Variants in RPH3A observed in about 807,000 individuals in gnomAD.
The protein encoded by RPH3A is rabphilin 3A, also known as rabphilin-3A.
In RPH3A, 48 loss-of-function variants were observed where a neutral mutation model predicts 102.2. The observed-to-expected ratio is 0.47, with a 90% CI of 0.37 to 0.60. RPH3A has a LOEUF of 0.60. Ranked by LOEUF, RPH3A falls within the 20% of genes least tolerant of loss-of-function variation. RPH3A has a pLI of 0.00. For synonymous variants in RPH3A, 310 were observed against 324.3 expected, an observed-to-expected ratio of 0.96 and a Z score of 0.47; for missense variants, 781 against 910.1, an observed-to-expected ratio of 0.86 and a Z score of 1.83.
intron 3 of RPH3A, among the ~76,000 whole-genome samples, chr12:112,829,382 T>G (rs1180591427): frequency 1.4e-5 from 2 of 141,404 alleles, no homozygotes; most frequent in East Asian, 3.9e-4. Flanking sequence ...GCAATCCTCT[T>G]GTCTCAGCCT....
chr12:112,690,604 A>G (rs1313638188), intron 1 of RPH3A, among the ~76,000 whole-genome samples: 1 of 152,202 alleles, frequency 6.6e-6, no homozygotes, highest in African/African-American at 2.4e-5. Context: ...AAAGAGTATG[A>G]TGTAAGAAGA....
intron 1 of RPH3A, among the ~76,000 whole-genome samples, chr12:112,608,716 A>G (rs2039617079): frequency 1.3e-5 from 2 of 152,176 alleles, no homozygotes; most frequent in African/African-American, 4.8e-5. Context: ...AGCTGTGATA[A>G]AAGGGGAGGC....
chr12:112,840,540 G>T (rs78247290), intron 4 of RPH3A, among the ~76,000 whole-genome samples: 1 of 151,760 alleles, frequency 6.6e-6, no homozygotes, highest in African/African-American at 2.4e-5. Flanking sequence ...CCAAATTTCC[G>T]CAAAAGGCCC....
intron 1 of RPH3A, among the ~76,000 whole-genome samples, chr12:112,628,292 T>C (rs1333325976): frequency 6.6e-6 from 1 of 151,638 alleles, no homozygotes; most frequent in Non-Finnish European, 1.5e-5. Flanking sequence ...GAGGTTGGAG[T>C]CTGCCTGGAA....
chr12:112,617,498 T>A (rs1484316939), intron 1 of RPH3A, among the ~76,000 whole-genome samples: 1 of 152,194 alleles, frequency 6.6e-6, no homozygotes, highest in East Asian at 1.9e-4. Context: ...ATTCCCCAGA[T>A]ACTTACAAAG....
chr12:112,632,187 T>A (rs1732766672), intron 1 of RPH3A, among the ~76,000 whole-genome samples: 1 of 152,178 alleles, frequency 6.6e-6, no homozygotes, highest in African/African-American at 2.4e-5. Context: ...CTCCTTGCCT[T>A]CTGCCATGAT....
chr12:112,881,887 GGCCC>G, intron 15 of RPH3A, 41 bp downstream of exon 15: 1 of 1,524,060 alleles, frequency 6.6e-7, no homozygotes. Context: ...CGGGTGCATG[GGCCC>G]TGGCAGATAC....
intron 2 of RPH3A, among the ~76,000 whole-genome samples, chr12:112,805,454 G>A (rs566652462): frequency 1.3e-5 from 2 of 152,288 alleles, no homozygotes; most frequent in South Asian, 4.1e-4. Context: ...CATTCTGGGA[G>A]GAGGATGAAT....
chr12:112,693,506 C>T (rs1190893335), intron 1 of RPH3A, among the ~76,000 whole-genome samples: 1 of 152,218 alleles, frequency 6.6e-6, no homozygotes, highest in Admixed American at 6.5e-5. Context: ...TCTACAAGGC[C>T]TACATGATTT....
chr12:112,662,030 C>T (rs182143143), intron 1 of RPH3A, among the ~76,000 whole-genome samples: 145 of 152,224 alleles, frequency 9.5e-4, no homozygotes, highest in Non-Finnish European at 1.7e-3. Context: ...GACATAATTG[C>T]GTCAGAATCT....
intron 1 of RPH3A, among the ~76,000 whole-genome samples, chr12:112,765,963 A>G (rs1238269726): frequency 6.6e-6 from 1 of 152,182 alleles, no homozygotes; most frequent in African/African-American, 2.4e-5. Flanking sequence ...TACTGTCACC[A>G]TGGACCCTTC....
chr12:112,708,530 C>T (rs1592955046), intron 1 of RPH3A, among the ~76,000 whole-genome samples: 1 of 152,144 alleles, frequency 6.6e-6, no homozygotes, highest in African/African-American at 2.4e-5. Flanking sequence ...AGCGTTAGGA[C>T]CAGCGTGTGG....
chr12:112,610,911 T>C (rs982288803), intron 1 of RPH3A, among the ~76,000 whole-genome samples: 6 of 152,188 alleles, frequency 3.9e-5, no homozygotes, highest in Non-Finnish European at 8.8e-5. Flanking sequence ...GCTGGGATTA[T>C]AGGTGTGAGC....
intron 5 of RPH3A, among the ~76,000 whole-genome samples, chr12:112,855,865 G>A (rs2042401431): frequency 6.6e-6 from 1 of 152,126 alleles, no homozygotes; most frequent in South Asian, 2.1e-4. Context: ...GGAATTGATG[G>A]TGTGGTGTGT....
At chr12:112,704,382 G>A (rs189399923) in intron 1 of RPH3A, among the ~76,000 whole-genome samples, 4 of 152,114 alleles carry the variant, frequency 2.6e-5, no homozygotes, top group African/African-American at 4.8e-5. Flanking sequence ...CAGCCACTGC[G>A]CTCAGCACCT....
intron 2 of RPH3A, among the ~76,000 whole-genome samples, chr12:112,793,347 C>G (rs887665253): frequency 6.6e-6 from 1 of 152,202 alleles, no homozygotes; most frequent in African/African-American, 2.4e-5. Flanking sequence ...TCAGGGGCCA[C>G]CTCAGTGTTC....
chr12:112,843,386 G>C (rs2042178148), intron 4 of RPH3A, among the ~76,000 whole-genome samples: 1 of 152,170 alleles, frequency 6.6e-6, no homozygotes, highest in African/African-American at 2.4e-5. Context: ...TGTCAACTAT[G>C]TGTTCTGGAG....
chr12:112,611,272 C>T (rs1592906198), intron 1 of RPH3A, among the ~76,000 whole-genome samples: 1 of 152,202 alleles, frequency 6.6e-6, no homozygotes, highest in Non-Finnish European at 1.5e-5. Context: ...TGGTTCACAG[C>T]TCCCTGGTTT....
chr12:112,653,337 T>G (rs1460088319), intron 1 of RPH3A, among the ~76,000 whole-genome samples: 1 of 142,010 alleles, frequency 7.0e-6, no homozygotes, highest in East Asian at 2.1e-4. Context: ...GCCACTGCAC[T>G]CCAGCCTGGG....
Sources: allele counts gnomAD v4.1 joint callset (sites outside exome capture counted in the v4.1 genomes callset), GRCh38; gene constraint gnomAD v4.1.1; transcripts MANE v1.5; gene names NCBI Gene and HGNC (gene_info 2026-07-23, HGNC 2026-07-21).